Variants in TMEM167A observed in about 807,000 individuals in gnomAD.
TMEM167A encodes transmembrane protein 167A.
TMEM167A carries 8 observed loss-of-function variants against 11.6 expected under a neutral mutation model. That is an observed-to-expected ratio of 0.69 (90% confidence interval 0.40 to 1.24). The LOEUF (loss-of-function observed/expected upper bound fraction) is 1.24. TMEM167A is among the 50% of genes most tolerant of loss of function. TMEM167A has a pLI of 0.01. For synonymous variants in TMEM167A, 22 were observed against 28.0 expected (o/e 0.79, Z 0.67); for missense variants, 62 against 87.0 (o/e 0.71, Z 1.14).
In TMEM167A at chr5:83,065,120, A is replaced by G; in HGVS notation, c.4-3T>C. The stretch of plus-strand genomic sequence containing the variant: ...CTCTGAAAATTGAAAATGGCAGACT[A>G]AAAAGAAAAAAAAAAAAGAAAAATT... On this transcript the variant is annotated splice_region_variant and splice_polypyrimidine_tract_variant and intron_variant, in intron 1 of 3. Transcript: ENST00000502346. 11 of 1,526,906 alleles carry G rather than the reference A, an allele frequency of 7.2e-6. No individual in the cohort carries two copies. Among genetic ancestry groups the G allele is most frequent in the Non-Finnish European group, 9.7e-6 (11 of 1,129,380 alleles). The allele number at this position is 1,526,906 out of a possible 1,614,324, so 94.6% of individuals were successfully genotyped here. A position where few individuals can be genotyped will look rare whatever the true frequency, so the allele number is the denominator to read the frequency against.
chr5:83,067,072 A>G lies in TMEM167A; in HGVS notation c.4-1955T>C, dbSNP rs572375602. 2.6e-4 allele frequency among the ~76,000 whole-genome samples: 39 copies of G among 152,290 alleles called. No individual in the cohort carries two copies. In the South Asian group the frequency reaches 6.8e-3, roughly 27 times the overall value. ...TTTCAGTTTTTTTTTAAATAGCAAC[A>G]TAACATGGATTAAGAAACCTGGTAT... On this transcript the variant is annotated intron_variant, in intron 1 of 3. Transcript: ENST00000502346.
chr5:83,053,845 C>G lies in TMEM167A; in HGVS notation c.*3239G>C, dbSNP rs1412416793. On this transcript the variant is annotated 3_prime_UTR_variant, in exon 4 of 4. Coordinates refer to ENST00000502346, the MANE Select transcript of TMEM167A (RefSeq NM_174909.5). ...TTTTCTTCTAGAATCCTGGGATTAT[C>G]TGAATAATAAATGCCATCACATTGT... 2.6e-5 allele frequency: 4 copies of G among 151,990 alleles called. No individual in the cohort carries two copies. Among genetic ancestry groups the G allele is most frequent in the Non-Finnish European group, 2.9e-5 (2 of 67,936 alleles). 9.4% of individuals were successfully genotyped at this position (151,990 alleles called of 1,614,324 possible). A position where few individuals can be genotyped will look rare whatever the true frequency, so the allele number is the denominator to read the frequency against.
rs986583658 is a variant in TMEM167A at position 83,052,963 on chromosome 5, T to C, written c.*4121A>G. ...ATATAATTCCACCTCCCCCTTTTTT[T>C]CTGATATTGGAGTAGCATTTCAGAT... On this transcript the variant is annotated 3_prime_UTR_variant, in exon 4 of 4. Coordinates refer to ENST00000502346, the MANE Select transcript of TMEM167A (RefSeq NM_174909.5). 5.3e-5 allele frequency: 8 copies of C among 151,904 alleles called. No homozygotes were observed. The highest frequency in any genetic ancestry group is 1.9e-4 in the African/African-American group (8 of 41,402). 9.4% of individuals were successfully genotyped at this position (151,904 alleles called of 1,614,324 possible).
rs1301681620 is a variant in TMEM167A, at chr5:83,069,888, AC to A, written c.4-4772del. Among the ~76,000 whole-genome samples, 3 of 152,282 alleles carry A rather than the reference AC, an allele frequency of 2.0e-5. No homozygotes were observed. In the East Asian group the frequency reaches 5.8e-4, roughly 29 times the overall value. ...TACTTGGATTCCAAAGAAAAAATACACATTCAAAAACCAGTGTAGATCAGAT... is the reference window on the plus strand; with the variant it reads ...TACTTGGATTCCAAAGAAAAAATACAATTCAAAAACCAGTGTAGATCAGAT... On this transcript the variant is annotated intron_variant, in intron 1 of 3. Coordinates refer to ENST00000502346, the MANE Select transcript of TMEM167A (RefSeq NM_174909.5).
At chr5:83,065,426 C>T (rs1299140880) in intron 1 of TMEM167A, among the ~76,000 whole-genome samples, 3 of 151,968 alleles carry the variant, frequency 2.0e-5, no homozygotes, top group Admixed American at 1.3e-4. Context: ...GGATAAACAT[C>T]CTTTAAATTT....
chr5:83,070,478 T>C (rs1018336912), intron 1 of TMEM167A, among the ~76,000 whole-genome samples: 2 of 152,204 alleles, frequency 1.3e-5, no homozygotes, highest in Non-Finnish European at 2.9e-5. Flanking sequence ...ACCGGAAGGA[T>C]ATAAACTTGA....
chr5:83,062,491 CTA>C lies in TMEM167A; in HGVS notation c.114-582_114-581del, dbSNP rs533880729. ...AAAATCTTCTAGTTTAAAGGACACTCTATGTGAATTCACTAAATATGGCATTT... is the reference window on the plus strand; with the variant it reads ...AAAATCTTCTAGTTTAAAGGACACTCTGTGAATTCACTAAATATGGCATTT... On this transcript the variant is annotated intron_variant, in intron 2 of 3. Coordinates refer to ENST00000502346, the MANE Select transcript of TMEM167A (RefSeq NM_174909.5). Among the ~76,000 whole-genome samples the C allele has an allele frequency of 1.1e-3, 162 of 152,068 alleles. 1 individual carries two copies. The highest frequency in any genetic ancestry group is 4.6e-3 in the Admixed American group (70 of 15,280).
At chr5:83,062,556 T>A (rs1425905206) in intron 2 of TMEM167A, among the ~76,000 whole-genome samples, 1 of 152,068 alleles carries the variant, frequency 6.6e-6, no homozygotes, top group Non-Finnish European at 1.5e-5. Context: ...AGAATGGAGA[T>A]ATATATTTCA....
intron 1 of TMEM167A, among the ~76,000 whole-genome samples, chr5:83,068,468 G>A (rs1334454704): frequency 1.3e-5 from 2 of 152,144 alleles, no homozygotes; most frequent in Non-Finnish European, 2.9e-5. Flanking sequence ...AACAGAGCAT[G>A]TACTTTAAAA....
At chr5:83,059,998 C>T (rs1744385150) in intron 3 of TMEM167A, among the ~76,000 whole-genome samples, 1 of 100,448 alleles carries the variant, frequency 1.0e-5, no homozygotes. Context: ...GACCTATCAC[C>T]GTAAGAGAGA....
chr5:83,066,754 G>A (rs1297225506), intron 1 of TMEM167A, among the ~76,000 whole-genome samples: 1 of 152,166 alleles, frequency 6.6e-6, no homozygotes, highest in Admixed American at 6.5e-5. Flanking sequence ...GTTTGGGTTT[G>A]GGGACGGGGT....
In TMEM167A at chr5:83,061,878, A is replaced by C. The variant is rs1744411815; in HGVS notation, c.147T>G (p.Ile49Met). 2 of 1,612,944 alleles carry C rather than the reference A, an allele frequency of 1.2e-6. No homozygotes were observed. The highest frequency in any genetic ancestry group is 1.3e-5 in the African/African-American group (1 of 75,032). The change falls in exon 3 of 4, where the codon ATT (isoleucine) becomes ATG (methionine). Residue 49 changes from isoleucine (I) to methionine (M), a missense_variant and splice_region_variant. By Grantham distance (10) the Ile-to-Met change is conservative. Transcript: ENST00000502346. ...TGGAGGGAGATTATAGACACTTACC[A>C]ATTCTGGCACACTTCCAAAATATAC... ...LLGIFWKCARIGERKSPYVAV... is the reference protein window; with the variant it reads ...LLGIFWKCARMGERKSPYVAV...
intron 1 of TMEM167A, 47 bp downstream of exon 1, chr5:83,077,274 A>C: frequency 6.2e-7 from 1 of 1,614,118 alleles, no homozygotes; most frequent in Non-Finnish European, 8.5e-7. Flanking sequence ...CTAGATCCAC[A>C]ACCCCTTCTC....
At chr5:83,057,303 A>G (rs1167768705) in intron 3 of TMEM167A, 149 bp from the exon 4 acceptor site, 3 of 644,654 alleles carry the variant, frequency 4.7e-6, no homozygotes, top group Non-Finnish European at 8.3e-6. Flanking sequence ...TAGATGCAAC[A>G]TAAAAAACAA....
chr5:83,074,343 G>A (rs574768349), intron 1 of TMEM167A, among the ~76,000 whole-genome samples: 1 of 152,312 alleles, frequency 6.6e-6, no homozygotes, highest in Admixed American at 6.5e-5. Context: ...ACAGGTGAGA[G>A]AGAATTACTT....
At chr5:83,062,640 T>A (rs1264766720) in intron 2 of TMEM167A, among the ~76,000 whole-genome samples, 1 of 151,996 alleles carries the variant, frequency 6.6e-6, no homozygotes, top group Admixed American at 6.6e-5. Flanking sequence ...TAACAAATCA[T>A]CTTTAAAAAA....
chr5:83,068,417 G>A (rs1331662677), intron 1 of TMEM167A, among the ~76,000 whole-genome samples: 1 of 152,082 alleles, frequency 6.6e-6, no homozygotes, highest in East Asian at 1.9e-4. Flanking sequence ...TTATACATGA[G>A]ACTGAGGCAC....
At chr5:83,064,984 G>T in intron 2 of TMEM167A, 24 bp downstream of exon 2, 1 of 1,358,490 alleles carries the variant, frequency 7.4e-7, no homozygotes, top group Non-Finnish European at 1.0e-6. Flanking sequence ...TAATTTGGGT[G>T]ATTAGACATC....
chr5:83,072,112 T>C (rs1028688396), intron 1 of TMEM167A, among the ~76,000 whole-genome samples: 1 of 152,224 alleles, frequency 6.6e-6, no homozygotes, highest in Non-Finnish European at 1.5e-5. Context: ...ACTGATTTTG[T>C]AGTTATTTTC....
Sources: gnomAD v4.1 joint callset for allele counts (sites outside exome capture counted in the v4.1 genomes callset) on GRCh38, gnomAD v4.1.1 for gene constraint, MANE v1.5 for transcripts, NCBI Gene and HGNC (gene_info 2026-07-23, HGNC 2026-07-21) for gene names.